Variants in WT1 observed in about 807,000 individuals in gnomAD.
WT1 encodes Wilms tumor protein.
A neutral mutation model predicts 60.8 loss-of-function variants in WT1; 8 were observed. That is an observed-to-expected ratio of 0.13 (90% CI 0.08 to 0.24). The LOEUF (loss-of-function observed/expected upper bound fraction) is 0.24, where lower values mean the gene tolerates loss of function less well. WT1 is among the 10% of genes least tolerant of loss of function. WT1 has a pLI of 1.00. For synonymous variants in WT1, 312 were observed against 297.1 expected, an observed-to-expected ratio of 1.05 and a Z score of -0.52; for missense variants, 568 against 711.8, an observed-to-expected ratio of 0.80 and a Z score of 2.30.
At chr11:32,394,524 G>A (rs2132930561) in intron 7 of WT1, among the ~76,000 whole-genome samples, 1 of 152,224 alleles carries the variant, frequency 6.6e-6, no homozygotes, top group Non-Finnish European at 1.5e-5. Flanking sequence ...CTTTGAGAAG[G>A]AGGATTATAA....
chr11:32,395,066 A>G (rs5030282), intron 7 of WT1, among the ~76,000 whole-genome samples: 1 of 152,222 alleles, frequency 6.6e-6, no homozygotes, highest in Non-Finnish European at 1.5e-5. Context: ...ACTGAGTGCA[A>G]ACTCAGATTG....
At chr11:32,399,887 G>A (rs1852093837) in intron 6 of WT1, 61 bp downstream of exon 6, 2 of 1,570,422 alleles carry the variant, frequency 1.3e-6, no homozygotes, top group Non-Finnish European at 1.7e-6. Flanking sequence ...GAACTAAAGG[G>A]CCGGTAAGTA....
intron 5 of WT1, among the ~76,000 whole-genome samples, chr11:32,414,348 C>T (rs1007119813): frequency 2.6e-5 from 4 of 152,220 alleles, no homozygotes; most frequent in African/African-American, 9.6e-5. Flanking sequence ...TCTTGGCTCA[C>T]TGCAACCTCC....
intron 5 of WT1, among the ~76,000 whole-genome samples, chr11:32,412,235 T>C (rs1449053512): frequency 1.3e-5 from 2 of 152,216 alleles, no homozygotes; most frequent in African/African-American, 4.8e-5. Context: ...GCCTTGGCCC[T>C]ACCAAAACGC....
In WT1 at chr11:32,432,598, C is replaced by T. The variant is rs147453277; in HGVS notation, c.661+2102G>A. Among the ~76,000 whole-genome samples, 5 of 152,282 alleles carry T rather than the reference C, an allele frequency of 3.3e-5. No individual in the cohort carries two copies. In the East Asian group the frequency reaches 9.7e-4, roughly 29 times the overall value. On this transcript the variant is annotated intron_variant, in intron 1 of 9. Coordinates refer to ENST00000452863, the MANE Select transcript of WT1 (RefSeq NM_024426.6). ...GCCCTCTCTCCATTGGGCTTTTTCT[C>T]CAGGGTGGAGAAGAAGGATACATTC...
At chr11:32,414,441 T>G (rs1416601608) in intron 5 of WT1, among the ~76,000 whole-genome samples, 1 of 152,024 alleles carries the variant, frequency 6.6e-6, no homozygotes, top group African/African-American at 2.4e-5. Flanking sequence ...TCTGGCTAAT[T>G]TTTTTGTATT....
chr11:32,406,375 G>A lies in WT1; in HGVS notation c.1017-6331C>T, dbSNP rs570181533. Among the ~76,000 whole-genome samples, 6 of 152,152 alleles carry A rather than the reference G, an allele frequency of 3.9e-5. No homozygotes were observed. In the East Asian group the frequency reaches 5.8e-4, roughly 15 times the overall value. ...CATGCTGCCATGAGAATCTAATGTC[G>A]CCACTGATCTGACAGAAGGTGGAGC... On this transcript the variant is annotated intron_variant, in intron 5 of 9. Transcript: ENST00000452863.
chr11:32,409,717 A>T (rs1386382203), intron 5 of WT1, among the ~76,000 whole-genome samples: 1 of 151,994 alleles, frequency 6.6e-6, no homozygotes, highest in East Asian at 1.9e-4. Flanking sequence ...AAGTGCTGAG[A>T]TTACAAGCAT....
intron 5 of WT1, among the ~76,000 whole-genome samples, chr11:32,405,643 C>G (rs1473291310): frequency 6.6e-6 from 1 of 152,050 alleles, no homozygotes; most frequent in Admixed American, 6.6e-5. Context: ...ACAACTTCCT[C>G]CCTGGCCTCA....
At chr11:32,405,367 A>G (rs1852276289) in intron 5 of WT1, among the ~76,000 whole-genome samples, 1 of 152,074 alleles carries the variant, frequency 6.6e-6, no homozygotes, top group Non-Finnish European at 1.5e-5. Context: ...ATTTTAAAGA[A>G]TCACTGTCGG....
intron 5 of WT1, among the ~76,000 whole-genome samples, chr11:32,410,927 C>A (rs192365954): frequency 6.6e-6 from 1 of 152,274 alleles, no homozygotes; most frequent in African/African-American, 2.4e-5. Context: ...AGGTTATGAT[C>A]TTTTCTTGGG....
intron 7 of WT1, among the ~76,000 whole-genome samples, chr11:32,395,131 G>A (rs1388696352): frequency 6.6e-6 from 1 of 152,256 alleles, no homozygotes; most frequent in Non-Finnish European, 1.5e-5. Flanking sequence ...AATGGTCCAA[G>A]GAAATCTGAA....
chr11:32,428,581 C>A lies in WT1; in HGVS notation c.700G>T (p.Gly234Cys), dbSNP rs1307992683. The A allele has an allele frequency of 6.2e-7, 1 of 1,613,890 alleles. No homozygotes were observed. Among genetic ancestry groups the A allele is most frequent in the East Asian group, 2.2e-5 (1 of 44,860 alleles). Residue 234 changes from glycine to cysteine, a missense_variant, in exon 2 of 10, where the codon GGT becomes TGT. Physicochemically the swap from Gly to Cys is radical, Grantham distance 159 (BLOSUM62 -3). This residue lies in a region of WT1 where 523 missense variants were observed against 565.1 expected (regional missense o/e 0.93). Transcript: ENST00000452863. ...GCCGCATGGTGCGAGGGCGTGTGACCGTAGCTGGGCGTCCCGTCGAAGGTG... is the reference window on the plus strand; with the variant it reads ...GCCGCATGGTGCGAGGGCGTGTGACAGTAGCTGGGCGTCCCGTCGAAGGTG...
At chr11:32,430,369 C>T (rs895522890) in intron 1 of WT1, among the ~76,000 whole-genome samples, 1 of 149,896 alleles carries the variant, frequency 6.7e-6, no homozygotes, top group Non-Finnish European at 1.5e-5. Context: ...CACTATTGCC[C>T]GGAGTGAAGG....
intron 1 of WT1, among the ~76,000 whole-genome samples, chr11:32,431,434 CTTT>C (rs756490733): frequency 6.8e-5 from 8 of 117,496 alleles, no homozygotes; most frequent in Non-Finnish European, 1.2e-4. Flanking sequence ...CAGGCAACCT[CTTT>C]TTTTTTTTTT....
chr11:32,396,212 C>T (rs757242370), intron 7 of WT1, 45 bp downstream of exon 7: 5 of 1,613,496 alleles, frequency 3.1e-6, no homozygotes, highest in Non-Finnish European at 4.2e-6. Context: ...GGAAAAGGAG[C>T]TCTTGAACCA....
In WT1 at chr11:32,435,103, G is replaced by A. The variant is rs1389359790; in HGVS notation, c.258C>T (p.Pro86=). ...CGCCGCCACCCAGGGAGGGGACGGC[G>A]GGCAGCAGCGCGTTCAGGTCCCGCA... Residue 86 remains proline, a synonymous_variant, in exon 1 of 10, where the codon CCC becomes CCT. Transcript: ENST00000452863. 10 of 1,507,478 alleles carry A rather than the reference G, an allele frequency of 6.6e-6. No homozygotes were observed. Among genetic ancestry groups the A allele is most frequent in the Non-Finnish European group, 8.8e-6 (10 of 1,136,174 alleles). 93.4% of individuals were successfully genotyped at this position (1,507,478 alleles called of 1,614,324 possible). A position where few individuals can be genotyped will look rare whatever the true frequency, so the allele number is the denominator to read the frequency against.
intron 5 of WT1, among the ~76,000 whole-genome samples, chr11:32,405,883 T>A (rs904981800): frequency 6.6e-6 from 1 of 152,246 alleles, no homozygotes; most frequent in Non-Finnish European, 1.5e-5. Context: ...GTCAGTGCTT[T>A]TCTTCCTTCC....
intron 1 of WT1, among the ~76,000 whole-genome samples, chr11:32,432,240 C>T (rs1047297779): frequency 3.3e-5 from 5 of 152,210 alleles, no homozygotes; most frequent in East Asian, 3.8e-4. Context: ...GATCCAGAGA[C>T]GGCCTTGATT....
Sources: allele counts gnomAD v4.1 joint callset (sites outside exome capture counted in the v4.1 genomes callset), GRCh38; gene constraint gnomAD v4.1.1; regional missense constraint gnomAD v4.1.1; transcripts MANE v1.5; gene names NCBI Gene and HGNC (gene_info 2026-07-23, HGNC 2026-07-21).